The following ARID5B variants were observed in gnomAD, a reference collection of about 807,000 sequenced individuals.
The protein encoded by ARID5B is AT-rich interaction domain 5B.
A neutral mutation model predicts 97.2 loss-of-function variants in ARID5B; 13 were observed. That is an observed-to-expected ratio of 0.13 (90% CI 0.09 to 0.21). The LOEUF (loss-of-function observed/expected upper bound fraction) is 0.21. Ranked by LOEUF, ARID5B falls within the 10% of genes least tolerant of loss-of-function variation. The probability of loss-of-function intolerance (pLI) is 1.00; values close to 1 mark genes in which losing one functional copy is unlikely to be tolerated. For synonymous variants in ARID5B, 556 were observed against 570.3 expected (o/e 0.97, Z 0.36); for missense variants, 1,210 against 1,465.3 (o/e 0.83, Z 2.84).
intron 4 of ARID5B, chr10:62,049,162 A>C: frequency 8.0e-7 from 1 of 1,243,610 alleles, no homozygotes; most frequent in Non-Finnish European, 1.0e-6. Flanking sequence ...AGGATCCACA[A>C]AACAGGCCGG....
Position 61,902,240 on chromosome 10 carries a change from A to G in ARID5B, c.103A>G (p.Ile35Val). 1.2e-6 allele frequency: 2 copies of G among 1,614,008 alleles called. No individual in the cohort carries two copies. Among genetic ancestry groups the G allele is most frequent in the Non-Finnish European group, 1.7e-6 (2 of 1,180,018 alleles). Residue 35 changes from isoleucine to valine, a missense_variant, in exon 2 of 10, where the codon ATT becomes GTT. Transcript: ENST00000279873. ...ATTCCACCTTGAAGGCAAACCAAGAATTTTGTCCCTTGGCGACTTTTTCTT... is the reference window on the plus strand; with the variant it reads ...ATTCCACCTTGAAGGCAAACCAAGAGTTTTGTCCCTTGGCGACTTTTTCTT... ...FQFHLEGKPR[I>V]LSLGDFFFVR...
At chr10:61,931,011 A>G (rs1844201105) in intron 2 of ARID5B, among the ~76,000 whole-genome samples, 1 of 152,174 alleles carries the variant, frequency 6.6e-6, no homozygotes, top group Non-Finnish European at 1.5e-5. Context: ...AAAATCTCAG[A>G]CCCTTCACAG....
intron 3 of ARID5B, among the ~76,000 whole-genome samples, chr10:61,960,869 A>T (rs564435791): frequency 6.6e-6 from 1 of 152,390 alleles, no homozygotes; most frequent in South Asian, 2.1e-4. Context: ...TCTGGCAGAC[A>T]TAGACTAGCA....
chr10:61,933,301 G>A (rs1844244979), intron 2 of ARID5B, among the ~76,000 whole-genome samples: 1 of 152,182 alleles, frequency 6.6e-6, no homozygotes, highest in African/African-American at 2.4e-5. Context: ...TTCCACTGAA[G>A]TCTTAAATTC....
chr10:61,914,905 A>G (rs1843874189), intron 2 of ARID5B, among the ~76,000 whole-genome samples: 1 of 152,140 alleles, frequency 6.6e-6, no homozygotes, highest in African/African-American at 2.4e-5. Context: ...ATTGAAACCC[A>G]TGTTCTCCCG....
chr10:61,972,225 C>CTTTT (rs71022106), intron 3 of ARID5B, among the ~76,000 whole-genome samples: 16 of 112,704 alleles, frequency 1.4e-4, no homozygotes, highest in Non-Finnish European at 1.9e-4. Flanking sequence ...TTATATCATG[C>CTTTT]TTTTTTTTTT....
At chr10:61,917,023 A>G (rs990098100) in intron 2 of ARID5B, among the ~76,000 whole-genome samples, 3 of 152,110 alleles carry the variant, frequency 2.0e-5, no homozygotes, top group Non-Finnish European at 4.4e-5. Flanking sequence ...CTCTTGAGCC[A>G]GGTGCCATGG....
At chr10:61,981,184 A>G (rs1050653248) in intron 3 of ARID5B, among the ~76,000 whole-genome samples, 2 of 152,238 alleles carry the variant, frequency 1.3e-5, no homozygotes, top group African/African-American at 4.8e-5. Flanking sequence ...TCAAGGGCTT[A>G]GAGCTTGCCT....
chr10:62,034,077 C>G (rs1589267136), intron 4 of ARID5B, among the ~76,000 whole-genome samples: 1 of 152,198 alleles, frequency 6.6e-6, no homozygotes, highest in Non-Finnish European at 1.5e-5. Flanking sequence ...GATGGTTTTG[C>G]ATGAGGCTAT....
intron 3 of ARID5B, among the ~76,000 whole-genome samples, chr10:61,979,568 C>T (rs543383814): frequency 2.6e-5 from 4 of 152,248 alleles, no homozygotes; most frequent in African/African-American, 7.2e-5. Flanking sequence ...GCGTCTCCCA[C>T]GTGGAGGCCC....
Position 62,032,115 on chromosome 10 carries a change from C to T in ARID5B, c.734-18773C>T, listed in dbSNP as rs1295570131. ...GCTGAGGTGGTAAGATCGCTAGTGG[C>T]CAGCCAGGGCAACAAAGTGTAAGAC... On this transcript the variant is annotated intron_variant, in intron 4 of 9. Coordinates refer to ENST00000279873, the MANE Select transcript of ARID5B (RefSeq NM_032199.3). Among the ~76,000 whole-genome samples the T allele has an allele frequency of 3.3e-5, 5 of 151,986 alleles. No individual in the cohort carries two copies. In the East Asian group the frequency reaches 9.6e-4, roughly 29 times the overall value.
At chr10:62,029,259 G>C (rs4948293) in intron 4 of ARID5B, among the ~76,000 whole-genome samples, 4 of 151,990 alleles carry the variant, frequency 2.6e-5, no homozygotes, top group African/African-American at 9.7e-5. Context: ...TCCAGTTCCG[G>C]GTATGCCATG....
chr10:62,030,516 G>T (rs997672329), intron 4 of ARID5B, among the ~76,000 whole-genome samples: 1 of 152,226 alleles, frequency 6.6e-6, no homozygotes, highest in Non-Finnish European at 1.5e-5. Context: ...CTAAGAGTGA[G>T]GATTTGTCAT....
chr10:61,924,872 G>A (rs1844074815), intron 2 of ARID5B, among the ~76,000 whole-genome samples: 1 of 152,058 alleles, frequency 6.6e-6, no homozygotes, highest in Non-Finnish European at 1.5e-5. Flanking sequence ...AGACTCTGCT[G>A]GATGATGTAC....
In ARID5B at chr10:62,085,731, A is replaced by C; in HGVS notation, c.1229A>C (p.Lys410Thr). The change falls in exon 9 of 10, where the codon AAA (lysine) becomes ACA (threonine). Residue 410 changes from lysine (K) to threonine (T), a missense_variant. Physicochemically the swap from Lys to Thr is moderately conservative, Grantham distance 78 (BLOSUM62 -1). This residue lies in a region of ARID5B where 59 missense variants were observed against 156.7 expected (regional missense o/e 0.38). Coordinates refer to ENST00000279873, the MANE Select transcript of ARID5B (RefSeq NM_032199.3). ...RLILPYERFI[K>T]GEEDKPLPPI... is the part of the protein sequence containing the mutation. ...ATCCTACCATATGAAAGATTTATTA[A>C]AGGAGAAGAAGATAAGCCCCTGCCT... 6.2e-7 allele frequency: 1 copy of C among 1,609,876 alleles called. No homozygotes were observed. The highest frequency in any genetic ancestry group is 8.5e-7 in the Non-Finnish European group (1 of 1,178,998).
intron 3 of ARID5B, among the ~76,000 whole-genome samples, chr10:61,982,935 A>T (rs1678557119): frequency 1.3e-5 from 2 of 152,238 alleles, no homozygotes; most frequent in African/African-American, 4.8e-5. Context: ...CTCCGATCAG[A>T]AAGAGTAAGG....
intron 4 of ARID5B, among the ~76,000 whole-genome samples, chr10:62,015,019 C>A (rs1158577936): frequency 6.6e-6 from 1 of 152,138 alleles, no homozygotes; most frequent in Non-Finnish European, 1.5e-5. Context: ...CGTTACACTT[C>A]ATTAATTAGA....
intron 3 of ARID5B, among the ~76,000 whole-genome samples, chr10:61,969,334 T>A (rs1054105661): frequency 2.0e-5 from 3 of 152,168 alleles, no homozygotes; most frequent in Non-Finnish European, 4.4e-5. Flanking sequence ...AATTCCCAGT[T>A]TTGTGAGGTG....
At chr10:62,044,816 A>T (rs1035246297) in intron 4 of ARID5B, among the ~76,000 whole-genome samples, 7 of 152,234 alleles carry the variant, frequency 4.6e-5, no homozygotes, top group Non-Finnish European at 1.5e-5. Context: ...CGCAGGATCA[A>T]GTTGTGCTTG....
Sources: allele counts gnomAD v4.1 joint callset (sites outside exome capture counted in the v4.1 genomes callset), GRCh38; gene constraint gnomAD v4.1.1; regional missense constraint gnomAD v4.1.1; transcripts MANE v1.5; gene names NCBI Gene and HGNC (gene_info 2026-07-23, HGNC 2026-07-21).